The following ADGB variants were observed in gnomAD, a reference collection of about 807,000 sequenced individuals.
The protein encoded by ADGB is androglobin, also known as calpain-7-like protein.
A neutral mutation model predicts 210.5 loss-of-function variants in ADGB; 172 were observed. The ratio of observed to expected loss-of-function variants is 0.82; its 90% confidence interval spans 0.72 to 0.93. The LOEUF is 0.93. Ranked by LOEUF, ADGB falls within the 40% of genes least tolerant of loss-of-function variation. The probability of loss-of-function intolerance (pLI) is 0.00; values close to 1 mark genes in which losing one functional copy is unlikely to be tolerated. For missense variants in ADGB, 2,025 were observed against 1,964.8 expected (o/e 1.03, Z -0.58); for synonymous variants, 658 against 662.7 (o/e 0.99, Z 0.11).
At chr6:146,740,617 A>AT in intron 24 of ADGB, 24 bp downstream of exon 24, 1 of 1,545,500 alleles carries the variant, frequency 6.5e-7, no homozygotes. Flanking sequence ...ATAGTGACAA[A>AT]TATGTCTCTA....
At chr6:146,709,240 G>A (rs1476171942) in intron 13 of ADGB, among the ~76,000 whole-genome samples, 1 of 152,052 alleles carries the variant, frequency 6.6e-6, no homozygotes, top group Non-Finnish European at 1.5e-5. Flanking sequence ...CTGGCTTTTG[G>A]TGCTTTATTT....
At chr6:146,689,986 C>T (rs1039309597) in intron 10 of ADGB, among the ~76,000 whole-genome samples, 3 of 152,128 alleles carry the variant, frequency 2.0e-5, no homozygotes, top group Non-Finnish European at 2.9e-5. Flanking sequence ...TTTCTTAATT[C>T]GGTGACTTAA....
intron 29 of ADGB, 88 bp from the exon 30 acceptor site, chr6:146,781,932 A>C (rs910717055): frequency 1.1e-6 from 1 of 916,360 alleles, no homozygotes; most frequent in African/African-American, 1.7e-5. Context: ...GCTTAACCAT[A>C]TGTCCCTGAG....
chr6:146,788,939 G>C (rs1429093483), intron 33 of ADGB, among the ~76,000 whole-genome samples: 1 of 152,092 alleles, frequency 6.6e-6, no homozygotes, highest in African/African-American at 2.4e-5. Flanking sequence ...AGATTTTTTT[G>C]TGTTATCTGT....
intron 10 of ADGB, 77 bp from the exon 11 acceptor site, chr6:146,691,039 T>G: frequency 1.5e-6 from 2 of 1,299,804 alleles, no homozygotes; most frequent in Non-Finnish European, 2.0e-6. Context: ...GCTCTGTTCG[T>G]GATAGTATTT....
chr6:146,706,570 C>T (rs959887108), intron 13 of ADGB, among the ~76,000 whole-genome samples: 8 of 151,906 alleles, frequency 5.3e-5, no homozygotes, highest in African/African-American at 1.7e-4. Flanking sequence ...AATGTAATCC[C>T]CTTGCTCATG....
intron 1 of ADGB, among the ~76,000 whole-genome samples, chr6:146,620,170 A>AT (rs1437211455): frequency 6.6e-6 from 1 of 152,086 alleles, no homozygotes; most frequent in Non-Finnish European, 1.5e-5. Context: ...ATTGAATGTG[A>AT]TATTTTTATT....
At chr6:146,742,390 T>G (rs1396756825) in intron 25 of ADGB, among the ~76,000 whole-genome samples, 1 of 151,930 alleles carries the variant, frequency 6.6e-6, no homozygotes, top group East Asian at 1.9e-4. Flanking sequence ...TTTATTAAAT[T>G]TGATATTATC....
At chr6:146,801,540 C>G (rs1301014336) in intron 34 of ADGB, among the ~76,000 whole-genome samples, 1 of 152,098 alleles carries the variant, frequency 6.6e-6, no homozygotes, top group Admixed American at 6.6e-5. Context: ...AAAGGAAAAC[C>G]TACAAGATAT....
At chr6:146,789,387 CT>C (rs1777923579) in intron 33 of ADGB, among the ~76,000 whole-genome samples, 1 of 152,250 alleles carries the variant, frequency 6.6e-6, no homozygotes, top group African/African-American at 2.4e-5. Context: ...TAATCTTACT[CT>C]ATTTTTCTAC....
At chr6:146,648,122 G>GT (rs55819667) in intron 3 of ADGB, among the ~76,000 whole-genome samples, 41,302 of 151,784 alleles carry the variant, frequency 0.27, 6,939 homozygotes, top group Admixed American at 0.38. Context: ...TACCATCTGA[G>GT]TTTTTTACAC....
chr6:146,812,694 G>A (rs1052170487), intron 35 of ADGB, among the ~76,000 whole-genome samples: 1 of 152,230 alleles, frequency 6.6e-6, no homozygotes, highest in African/African-American at 2.4e-5. Flanking sequence ...CATTGTCAGC[G>A]TGAAATCTAA....
chr6:146,700,526 C>T (rs1162024665), intron 12 of ADGB, among the ~76,000 whole-genome samples: 6 of 152,098 alleles, frequency 3.9e-5, no homozygotes, highest in Admixed American at 1.3e-4. Flanking sequence ...ACTGTATGCT[C>T]GGGTAGCTGG....
Position 146,621,218 on chromosome 6 carries a change from A to G in ADGB, c.75-14157A>G, listed in dbSNP as rs1780888363. ...TTTAGTTTTTTTCCAGGCCAGGAAA[A>G]TCCAGCTAGGGATTTAGGCATTCCC... On this transcript the variant is annotated intron_variant, in intron 1 of 35. Transcript: ENST00000397944. Among the ~76,000 whole-genome samples, 4 of 152,210 alleles carry G rather than the reference A, an allele frequency of 2.6e-5. No individual in the cohort carries two copies. In the South Asian group the frequency reaches 8.3e-4, roughly 32 times the overall value.
intron 25 of ADGB, among the ~76,000 whole-genome samples, chr6:146,742,337 CT>C (rs1226256641): frequency 6.6e-6 from 1 of 151,550 alleles, no homozygotes; most frequent in African/African-American, 2.4e-5. Context: ...GCATATTTTT[CT>C]ATCATTTTTA....
intron 35 of ADGB, chr6:146,803,203 A>G (rs1030244846): frequency 2.0e-5 from 31 of 1,516,202 alleles, no homozygotes; most frequent in African/African-American, 4.1e-5. Context: ...CAGAAACTTA[A>G]AGCTACATTC....
chr6:146,608,224 T>C (rs970130431), intron 1 of ADGB, among the ~76,000 whole-genome samples: 1 of 152,062 alleles, frequency 6.6e-6, no homozygotes, highest in African/African-American at 2.4e-5. Context: ...TTGTGGTTTT[T>C]TTTTGTATTT....
At position 146,602,745 on chromosome 6, in the gene ADGB, G is replaced by A. The variant is rs192927025; in HGVS notation, c.74+3631G>A. Among the ~76,000 whole-genome samples, 3 of 152,250 alleles carry A rather than the reference G, an allele frequency of 2.0e-5. No homozygotes were observed. The South Asian group carries it at 6.2e-4, about 32-fold the overall frequency. ...TGTGCAGCAGGAGGTGAGAGGCAGGGGAGTCAACATTTCCCCCTGAGCTCC... is the reference window on the plus strand; with the variant it reads ...TGTGCAGCAGGAGGTGAGAGGCAGGAGAGTCAACATTTCCCCCTGAGCTCC... On this transcript the variant is annotated intron_variant, in intron 1 of 35. Transcript: ENST00000397944.
intron 9 of ADGB, among the ~76,000 whole-genome samples, chr6:146,682,261 G>A (rs1776168140): frequency 1.3e-5 from 2 of 151,900 alleles, no homozygotes; most frequent in Admixed American, 6.6e-5. Context: ...GTAATCTTAC[G>A]TATTTTATAG....
Sources: gnomAD v4.1 joint callset for allele counts (sites outside exome capture counted in the v4.1 genomes callset) on GRCh38, gnomAD v4.1.1 for gene constraint, MANE v1.5 for transcripts, NCBI Gene and HGNC (gene_info 2026-07-23, HGNC 2026-07-21) for gene names.